The following CTBP1 variants were observed in gnomAD, a reference collection of about 807,000 sequenced individuals.
The protein encoded by CTBP1 is C-terminal binding protein 1, also known as C-terminal-binding protein 1.
A neutral mutation model predicts 42.1 loss-of-function variants in CTBP1; 11 were observed. The observed-to-expected ratio is 0.26, with a 90% CI of 0.16 to 0.43. The LOEUF (loss-of-function observed/expected upper bound fraction) is 0.43, where lower values mean the gene tolerates loss of function less well. CTBP1 is among the 20% of genes least tolerant of loss of function. The pLI is 1.00. For synonymous variants in CTBP1, 324 were observed against 277.1 expected, an observed-to-expected ratio of 1.17 and a Z score of -1.68; for missense variants, 399 against 624.3, an observed-to-expected ratio of 0.64 and a Z score of 3.85.
rs529229317 is a variant in CTBP1, at chr4:1,222,793, C to T, written c.514+2567G>A. 4.6e-5 allele frequency among the ~76,000 whole-genome samples: 7 copies of T among 152,226 alleles called. No individual in the cohort carries two copies. In the South Asian group the frequency reaches 6.2e-4, roughly 14 times the overall value. On this transcript the variant is annotated intron_variant, in intron 5 of 9. Transcript: ENST00000382952. ...CCGCCCTCAGGCCTCAGAGTGGCCA[C>T]GGGAAGAGCCCGGGGCCTTCAGGGC...
chr4:1,225,456 G>A lies in CTBP1; in HGVS notation c.418C>T (p.Arg140Trp). ...RRATWLHQALREGTRVQSVEQ... is the reference protein window; with the variant it reads ...RRATWLHQALWEGTRVQSVEQ... ...ACGCTCTGGACTCGTGTGCCCTCCCGCAGCGCCTGGTGCAGCCAGGTGGCC... is the reference window on the plus strand; with the variant it reads ...ACGCTCTGGACTCGTGTGCCCTCCCACAGCGCCTGGTGCAGCCAGGTGGCC... The change falls in exon 5 of 10, where the codon CGG becomes TGG. Residue 140 changes from arginine (R) to tryptophan (W), a missense_variant. This residue lies in a region of CTBP1 where 309 missense variants were observed against 497.5 expected (regional missense o/e 0.62). Transcript: ENST00000382952. 2 of 1,543,342 alleles carry A rather than the reference G, an allele frequency of 1.3e-6. No homozygotes were observed. The highest frequency in any genetic ancestry group is 1.7e-6 in the Non-Finnish European group (2 of 1,146,960).
At position 1,212,342 on chromosome 4, in the gene CTBP1, C is replaced by T. The variant is rs750024621; in HGVS notation, c.1188G>A (p.Leu396=). ...VEGIVPSAMS[L]SHGLPPVAHP... The stretch of plus-strand genomic sequence containing the variant: ...GGGCCACAGGGGGCAGGCCGTGGGA[C>T]AGGGACATGGCGCTGGGGACGATAC... Residue 396 remains leucine (L), a synonymous_variant, in exon 10 of 10, where the codon CTG becomes CTA. Transcript: ENST00000382952. 6.6e-6 allele frequency: 10 copies of T among 1,519,244 alleles called. No homozygotes were observed. In the Admixed American group the frequency reaches 2.1e-4, roughly 32 times the overall value. 94.1% of individuals were successfully genotyped at this position (1,519,244 alleles called of 1,614,324 possible).
chr4:1,245,472 T>C (rs913711798), intron 1 of CTBP1: 1 of 985,106 alleles, frequency 1.0e-6, no homozygotes, highest in Non-Finnish European at 1.2e-6. Context: ...AGAGACAGCC[T>C]CGGATGCCTC....
intron 3 of CTBP1, chr4:1,234,957 C>G (rs969099369): frequency 1.3e-5 from 2 of 152,260 alleles, no homozygotes. Context: ...GTTTCCGTCA[C>G]GCTAATCCTA....
intron 1 of CTBP1, chr4:1,243,367 C>T (rs548640775): frequency 1.0e-6 from 1 of 985,348 alleles, no homozygotes; most frequent in East Asian, 1.1e-4. Context: ...CTCCTGGGGC[C>T]CTGCACTCCC....
At position 1,216,093 on chromosome 4, in the gene CTBP1, G is replaced by T. The variant is rs1471664206; in HGVS notation, c.627C>A (p.Val209=). ...GVERALGLQR[V]STLQDLLFHS... ...GGAAGAGCAGGTCCTGCAGGGTGCTGACACGCTGCAGCCCCAGCGCCCGCT... is the reference window on the plus strand; with the variant it reads ...GGAAGAGCAGGTCCTGCAGGGTGCTTACACGCTGCAGCCCCAGCGCCCGCT... The change falls in exon 6 of 10, where the codon GTC becomes GTA. Residue 209 remains valine, a synonymous_variant. Coordinates refer to ENST00000382952, the MANE Select transcript of CTBP1 (RefSeq NM_001012614.2). 1.2e-6 allele frequency: 2 copies of T among 1,611,372 alleles called. No homozygotes were observed. The highest frequency in any genetic ancestry group is 1.7e-6 in the Non-Finnish European group (2 of 1,179,906).
At position 1,211,610 on chromosome 4, in the gene CTBP1, G is replaced by A. The variant is rs1198864620; in HGVS notation, c.*630C>T. ...ACGTCCCCAGGACAGACGTCGATGG[G>A]CAGCGGGCACGCTGGGCACCGCCCA... On this transcript the variant is annotated 3_prime_UTR_variant, in exon 10 of 10. Coordinates refer to ENST00000382952, the MANE Select transcript of CTBP1 (RefSeq NM_001012614.2). 20 of 152,340 alleles carry A rather than the reference G, an allele frequency of 1.3e-4. No individual in the cohort carries two copies. The highest frequency in any genetic ancestry group is 1.3e-3 in the Admixed American group (20 of 15,272). 9.4% of individuals were successfully genotyped at this position (152,340 alleles called of 1,614,324 possible). A position where few individuals can be genotyped will look rare whatever the true frequency, so the allele number is the denominator to read the frequency against.
rs1731508259 is a variant in CTBP1, at chr4:1,236,500, T to C, written c.162+1683A>G. The C allele has an allele frequency of 5.0e-6, 3 of 598,478 alleles. No homozygotes were observed. In the African/African-American group the frequency reaches 5.5e-5, roughly 11 times the overall value. 37.1% of individuals were successfully genotyped at this position (598,478 alleles called of 1,614,324 possible). A position where few individuals can be genotyped will look rare whatever the true frequency, so the allele number is the denominator to read the frequency against. On this transcript the variant is annotated intron_variant, in intron 3 of 9. Transcript: ENST00000382952. ...GAGGACCTGCTCTCTGGGAAAAAACTGAAAATGAATCAAGAAGCCACAGGG... is the reference window on the plus strand; with the variant it reads ...GAGGACCTGCTCTCTGGGAAAAAACCGAAAATGAATCAAGAAGCCACAGGG...
rs1354224282 is a variant in CTBP1, at chr4:1,228,327, A to G, written c.179T>C (p.Val60Ala). 9 of 1,613,900 alleles carry G rather than the reference A, an allele frequency of 5.6e-6. No homozygotes were observed. The highest frequency in any genetic ancestry group is 7.6e-6 in the Non-Finnish European group (9 of 1,179,858). The stretch of plus-strand genomic sequence containing the variant: ...GATGGTGTGGTACATCAGGGCCCCC[A>G]CAGCCTCGTTCAGGACCTGCAGCGA... ...EIHEKVLNEA[V>A]GALMYHTITL... Residue 60 changes from valine to alanine, a missense_variant, in exon 4 of 10, where the codon GTG (valine) becomes GCG (alanine). Val to Ala is a moderately conservative substitution (Grantham distance 64). Coordinates refer to ENST00000382952, the MANE Select transcript of CTBP1 (RefSeq NM_001012614.2).
intron 1 of CTBP1, chr4:1,244,356 G>GT: frequency 1.0e-6 from 1 of 961,110 alleles, no homozygotes; most frequent in East Asian, 1.2e-4. Flanking sequence ...CTGGGCACTG[G>GT]GGGGGGGGTG....
chr4:1,244,169 T>C (rs1732476925), intron 1 of CTBP1: 1 of 985,154 alleles, frequency 1.0e-6, no homozygotes, highest in African/African-American at 1.7e-5. Flanking sequence ...TGGATGCACA[T>C]CACCATCTGC....
In CTBP1 at chr4:1,216,169, G is replaced by C. The variant is rs746904547; in HGVS notation, c.551C>G (p.Ala184Gly). Residue 184 changes from alanine (A) to glycine (G), a missense_variant, in exon 6 of 10, where the codon GCC (alanine) becomes GGC (glycine). Coordinates refer to ENST00000382952, the MANE Select transcript of CTBP1 (RefSeq NM_001012614.2). The part of the protein sequence containing the change: ...VGQAVALRAK[A>G]FGFNVLFYDP... ...GTAGAAGAGCACGTTGAAGCCGAAG[G>C]CCTTGGCCCGCAGCGCCACTGCCTG... 1 of 1,610,762 alleles carries C rather than the reference G, an allele frequency of 6.2e-7. No individual in the cohort carries two copies. The highest frequency in any genetic ancestry group is 2.2e-5 in the East Asian group (1 of 44,878).
chr4:1,231,666 C>T (rs1730979235), intron 3 of CTBP1, among the ~76,000 whole-genome samples: 1 of 152,258 alleles, frequency 6.6e-6, no homozygotes, highest in African/African-American at 2.4e-5. Context: ...GGGTGGCTTA[C>T]TCTGTGAAAC....
intron 5 of CTBP1, among the ~76,000 whole-genome samples, chr4:1,219,072 C>T (rs1235082240): frequency 6.6e-6 from 1 of 152,182 alleles, no homozygotes; most frequent in Non-Finnish European, 1.5e-5. Flanking sequence ...TGGCTCACAC[C>T]CGTAATCCCA....
In CTBP1 at chr4:1,235,900, C is replaced by CG. The variant is rs1367261848; in HGVS notation, c.162+2282dup. The CG allele has an allele frequency of 3.3e-5, 5 of 152,038 alleles. No homozygotes were observed. The East Asian group carries it at 7.8e-4, about 24-fold the overall frequency. 9.4% of individuals were successfully genotyped at this position (152,038 alleles called of 1,614,324 possible). On this transcript the variant is annotated intron_variant, in intron 3 of 9. Transcript: ENST00000382952. This position sits in a 1 kb window ranked among gnomAD's most constrained non-coding sequence, Gnocchi z 4.2. ...TGCCAGGCACCTGGGGCCGGCAGTGCGGGGTCCCCAAAAATCCAGATTCAA... is the reference window on the plus strand; with the variant it reads ...TGCCAGGCACCTGGGGCCGGCAGTGCGGGGGTCCCCAAAAATCCAGATTCAA...
intron 1 of CTBP1, chr4:1,244,475 C>A (rs1394959752): frequency 1.0e-6 from 1 of 985,128 alleles, no homozygotes; most frequent in Non-Finnish European, 1.2e-6. Context: ...CAGACCCAGG[C>A]TCGGCAGCTA....
At chr4:1,226,441 C>T (rs1206765948) in intron 4 of CTBP1, among the ~76,000 whole-genome samples, 7 of 151,828 alleles carry the variant, frequency 4.6e-5, no homozygotes, top group African/African-American at 7.3e-5. Context: ...TCCCGGGGGC[C>T]GGGAGAGGGC....
upstream of CTBP1, chr4:1,250,135 A>T (rs536580225): frequency 5.9e-6 from 1 of 169,516 alleles, no homozygotes; most frequent in Admixed American, 5.5e-5. Context: ...AGACGGAATG[A>T]TGCAGACTCC....
intron 3 of CTBP1, chr4:1,236,475 G>A (rs926979541): frequency 4.6e-5 from 27 of 586,582 alleles, no homozygotes; most frequent in Non-Finnish European, 7.0e-5. Flanking sequence ...CTGGCATCCC[G>A]AGGACCTGCT....
Sources: gnomAD v4.1 joint callset for allele counts (sites outside exome capture counted in the v4.1 genomes callset) on GRCh38, gnomAD v4.1.1 for gene constraint, gnomAD v4.1.1 regional missense constraint, Gnocchi (gnomAD v3.1) non-coding constraint, MANE v1.5 for transcripts, NCBI Gene and HGNC (gene_info 2026-07-23, HGNC 2026-07-21) for gene names.